IL1RAPL2: variants seen among roughly 807,000 people sequenced by gnomAD.
IL1RAPL2 encodes X-linked interleukin-1 receptor accessory protein-like 2.
In IL1RAPL2, 3 loss-of-function variants were observed where a neutral mutation model predicts 44.1. The ratio of observed to expected loss-of-function variants is 0.07; its 90% CI spans 0.03 to 0.18. The LOEUF (loss-of-function observed/expected upper bound fraction) is 0.18, where lower values mean the gene tolerates loss of function less well. IL1RAPL2 is among the 10% of genes least tolerant of loss of function. IL1RAPL2 has a pLI of 1.00. For synonymous variants in IL1RAPL2, 181 were observed against 178.8 expected (o/e 1.01, Z -0.10); for missense variants, 391 against 496.4 (o/e 0.79, Z 2.02).
intron 2 of IL1RAPL2, among the ~76,000 whole-genome samples, chrX:105,130,785 T>C (rs927878773): frequency 6.3e-5 from 7 of 111,210 alleles, no homozygotes; most frequent in Non-Finnish European, 9.5e-5. Flanking sequence ...TCTAGTAGCC[T>C]ACCACTTCAA....
chrX:104,718,336 T>C (rs987963739), intron 2 of IL1RAPL2, among the ~76,000 whole-genome samples: 3 of 111,645 alleles, frequency 2.7e-5, no homozygotes, highest in African/African-American at 9.8e-5. Context: ...GGTTTTGATT[T>C]ACATTTCTCT....
At chrX:105,501,543 G>C (rs1175904706) in intron 6 of IL1RAPL2, among the ~76,000 whole-genome samples, 1 of 110,569 alleles carries the variant, frequency 9.0e-6, no homozygotes, top group Non-Finnish European at 1.9e-5. Flanking sequence ...AGGATCACTT[G>C]AGTCCTGGAG....
At chrX:104,777,119 A>T (rs1378996722) in intron 2 of IL1RAPL2, among the ~76,000 whole-genome samples, 3 of 111,093 alleles carry the variant, frequency 2.7e-5, no homozygotes, top group African/African-American at 9.8e-5. Context: ...GTACATTCAC[A>T]CTGTTGTACA....
rs773406850 is a variant in IL1RAPL2 at position 104,951,114 on chromosome X, T to G, written c.83-244361T>G. Among the ~76,000 whole-genome samples, 3 of 112,029 alleles carry G rather than the reference T, an allele frequency of 2.7e-5. No homozygotes were observed. In the South Asian group the frequency reaches 1.1e-3, roughly 42 times the overall value. The stretch of plus-strand genomic sequence containing the variant: ...AGTGAGATGAACCCGGGACCTCAGA[T>G]GGAAATGCAGAAATCACCCGTCTTC... On this transcript the variant is annotated intron_variant, in intron 2 of 10. Transcript: ENST00000372582.
chrX:104,575,891 A>T (rs935177360), intron 1 of IL1RAPL2, among the ~76,000 whole-genome samples: 2 of 111,856 alleles, frequency 1.8e-5, no homozygotes, highest in Admixed American at 1.9e-4. Context: ...CAGGGCCCAG[A>T]TATCCTTTAG....
At chrX:104,623,610 T>C (rs1330528749) in intron 1 of IL1RAPL2, among the ~76,000 whole-genome samples, 1 of 111,268 alleles carries the variant, frequency 9.0e-6, no homozygotes, top group Non-Finnish European at 1.9e-5. Flanking sequence ...TGGAGGTTGT[T>C]ATCCCAGCCA....
In IL1RAPL2 at chrX:104,618,518, C is replaced by T. The variant is rs149507489; in HGVS notation, c.-19-40377C>T. 4.2e-3 allele frequency among the ~76,000 whole-genome samples: 470 copies of T among 111,994 alleles called. 2 individuals carry two copies. Among genetic ancestry groups the T allele is most frequent in the African/African-American group, 0.015 (451 of 30,849 alleles). The stretch of plus-strand genomic sequence containing the variant: ...GCACAGGGATGGTGGGTAGCTCATG[C>T]TCCTATTCCAGAGGAATGGGTGCTC... On this transcript the variant is annotated intron_variant, in intron 1 of 10. Transcript: ENST00000372582.
rs1384591032 is a variant in IL1RAPL2, at chrX:105,687,185, A to C, written c.773-30182A>C. Among the ~76,000 whole-genome samples, 4 of 110,776 alleles carry C rather than the reference A, an allele frequency of 3.6e-5. No homozygotes were observed. The Admixed American group carries it at 3.9e-4, about 11-fold the overall frequency. On this transcript the variant is annotated intron_variant, in intron 6 of 10. Transcript: ENST00000372582. ...AGAACTAGAGAAGCAAAAGCAAACA[A>C]ATTCAAAAGCTAGCAGAAGGCAAGA...
At chrX:105,324,653 T>G (rs2034922117) in intron 5 of IL1RAPL2, among the ~76,000 whole-genome samples, 1 of 112,251 alleles carries the variant, frequency 8.9e-6, no homozygotes, top group East Asian at 2.8e-4. Context: ...TAGTGTTCTC[T>G]TGGTTGCAGA....
intron 2 of IL1RAPL2, among the ~76,000 whole-genome samples, chrX:104,845,591 C>A (rs895216323): frequency 8.9e-6 from 1 of 111,806 alleles, no homozygotes. Flanking sequence ...AGCTTCTGGG[C>A]AGATTGTCTC....
chrX:104,712,972 C>A (rs1931487577), intron 2 of IL1RAPL2, among the ~76,000 whole-genome samples: 1 of 110,797 alleles, frequency 9.0e-6, no homozygotes, highest in South Asian at 3.8e-4. Context: ...GGTCCATAGG[C>A]AAAAGCTTTA....
chrX:104,675,327 T>A (rs868519452), intron 2 of IL1RAPL2, among the ~76,000 whole-genome samples: 1 of 111,819 alleles, frequency 8.9e-6, no homozygotes, highest in African/African-American at 3.3e-5. Flanking sequence ...TCAAAGAACA[T>A]CTTTATTTCT....
At chrX:105,383,463 C>T (rs781312540) in intron 5 of IL1RAPL2, among the ~76,000 whole-genome samples, 1 of 111,956 alleles carries the variant, frequency 8.9e-6, no homozygotes, top group Non-Finnish European at 1.9e-5. Context: ...AATAATATTC[C>T]ATTTTGAATA....
chrX:104,811,171 C>T (rs148977338), intron 2 of IL1RAPL2, among the ~76,000 whole-genome samples: 225 of 110,397 alleles, frequency 2.0e-3, no homozygotes, highest in Non-Finnish European at 3.4e-3. Flanking sequence ...ATAATAACTG[C>T]CTAGAAAAGT....
chrX:105,439,570 G>T (rs977307178), intron 5 of IL1RAPL2, among the ~76,000 whole-genome samples: 1 of 104,414 alleles, frequency 9.6e-6, no homozygotes, highest in Non-Finnish European at 2.0e-5. Context: ...AAGAAAAAAT[G>T]ATACTAAGGA....
intron 1 of IL1RAPL2, among the ~76,000 whole-genome samples, chrX:104,626,313 C>CGT (rs1157786260): frequency 3.8e-5 from 4 of 104,888 alleles, no homozygotes; most frequent in Non-Finnish European, 7.8e-5. Context: ...TGTGTGTGTG[C>CGT]GTGTGTGTGT....
At chrX:104,631,545 A>G (rs1314099737) in intron 1 of IL1RAPL2, among the ~76,000 whole-genome samples, 1 of 111,489 alleles carries the variant, frequency 9.0e-6, no homozygotes, top group African/African-American at 3.3e-5. Context: ...CTGGTGTGAG[A>G]TGGTATCTCA....
chrX:105,761,978 TAG>T (rs962185411), intron 10 of IL1RAPL2, among the ~76,000 whole-genome samples: 1 of 111,799 alleles, frequency 8.9e-6, no homozygotes, highest in African/African-American at 3.2e-5. Flanking sequence ...TTCATGAATA[TAG>T]AGTTTTTTCT....
chrX:105,640,654 GTATATATATATATATATATATATA>G (rs768814568), intron 6 of IL1RAPL2, among the ~76,000 whole-genome samples: 46 of 59,475 alleles, frequency 7.7e-4, no homozygotes, highest in Non-Finnish European at 1.3e-3. Context: ...GTATGTGTGT[GTATATATATATATATATATATATA>G]TATATATATA....
Sources: allele counts gnomAD v4.1 joint callset (sites outside exome capture counted in the v4.1 genomes callset), GRCh38; gene constraint gnomAD v4.1.1; transcripts MANE v1.5; gene names NCBI Gene and HGNC (gene_info 2026-07-23, HGNC 2026-07-21).